Variants in CHID1 observed in about 807,000 individuals in gnomAD.
CHID1 encodes chitinase domain-containing protein 1.
In CHID1, 44 loss-of-function variants were observed where a neutral mutation model predicts 55.4. The ratio of observed to expected loss-of-function variants is 0.79; its 90% CI spans 0.62 to 1.02. The LOEUF is 1.02. Ranked by LOEUF, CHID1 falls within the 50% of genes least tolerant of loss-of-function variation. The pLI, the probability that CHID1 is intolerant of heterozygous loss-of-function variation, is 0.00. For synonymous variants in CHID1, 216 were observed against 212.9 expected, an observed-to-expected ratio of 1.01 and a Z score of -0.13; for missense variants, 491 against 515.3, an observed-to-expected ratio of 0.95 and a Z score of 0.46.
chr11:883,282 C>A lies in CHID1; in HGVS notation c.825G>T (p.Leu275=), dbSNP rs1317560124. 6.2e-7 allele frequency: 1 copy of A among 1,613,708 alleles called. No individual in the cohort carries two copies. Among genetic ancestry groups the A allele is most frequent in the Non-Finnish European group, 8.5e-7 (1 of 1,179,822 alleles). Reference sequence around the variant, plus strand: ...CCTGGACGCAGGCTCGAACCCAGGACAGGGGTGCATTAGGGCCAGGCCTGC... The same window carrying A: ...CCTGGACGCAGGCTCGAACCCAGGAAAGGGGTGCATTAGGGCCAGGCCTGC... ...TAHQPGPNAP[L]SWVRACVQVL... The change falls in exon 10 of 13, where the codon CTG becomes CTT. Residue 275 remains leucine, a synonymous_variant. Transcript: ENST00000323578.
At chr11:893,910 C>CA (rs1201262909) in intron 7 of CHID1, among the ~76,000 whole-genome samples, 1 of 151,640 alleles carries the variant, frequency 6.6e-6, no homozygotes, top group African/African-American at 2.4e-5. Flanking sequence ...GGTGGGCAGT[C>CA]ACCCGAGGCC....
chr11:870,224 C>T (rs1379542344), intron 11 of CHID1, 61 bp from the exon 12 acceptor site: 10 of 1,604,724 alleles, frequency 6.2e-6, no homozygotes, highest in East Asian at 4.5e-5. Context: ...CCTCCCCTCA[C>T]AGCCAAGGTC....
At position 870,514 on chromosome 11, in the gene CHID1, A is replaced by C. The variant is rs1428170771; in HGVS notation, c.960-15T>G. On this transcript the variant is annotated splice_polypyrimidine_tract_variant and intron_variant, in intron 10 of 12. Coordinates refer to ENST00000323578, the MANE Select transcript of CHID1 (RefSeq NM_023947.4). ...TCTGGATGTACCTGGGGAGACCAGGATATGGATTTGGGAGCCCACCCAGCT... is the reference window on the plus strand; with the variant it reads ...TCTGGATGTACCTGGGGAGACCAGGCTATGGATTTGGGAGCCCACCCAGCT... 3 of 1,593,608 alleles carry C rather than the reference A, an allele frequency of 1.9e-6. No individual in the cohort carries two copies. The Admixed American group carries it at 5.1e-5, about 27-fold the overall frequency.
Position 869,617 on chromosome 11 carries a change from G to A in CHID1, c.*241C>T. On this transcript the variant is annotated 3_prime_UTR_variant, in exon 13 of 13. Coordinates refer to ENST00000323578, the MANE Select transcript of CHID1 (RefSeq NM_023947.4). ...GGCCCCGCCTGCCCAGCTGACAGGA[G>A]GCAGCCAGCGGATGCCCGGGTGGGA... is the stretch of plus-strand genomic sequence containing the variant. 1 of 582,022 alleles carries A rather than the reference G, an allele frequency of 1.7e-6. No homozygotes were observed. The highest frequency in any genetic ancestry group is 3.1e-6 in the Non-Finnish European group (1 of 326,172). The allele number at this position is 582,022 out of a possible 1,614,324, so 36.1% of individuals were successfully genotyped here. A position where few individuals can be genotyped will look rare whatever the true frequency, so the allele number is the denominator to read the frequency against.
chr11:914,492 G>T (rs1287213444), upstream of CHID1: 7 of 1,282,764 alleles, frequency 5.5e-6, no homozygotes, highest in Admixed American at 1.6e-4. Context: ...CTGCTGACTG[G>T]ATCCCTGCTT....
chr11:897,372 T>G (rs1393116302), intron 7 of CHID1, among the ~76,000 whole-genome samples: 3 of 152,016 alleles, frequency 2.0e-5, no homozygotes, highest in African/African-American at 7.3e-5. Flanking sequence ...CGGAAATGAG[T>G]GTGGCAAATC....
At chr11:878,358 G>A (rs1159539862) in intron 10 of CHID1, among the ~76,000 whole-genome samples, 1 of 152,060 alleles carries the variant, frequency 6.6e-6, no homozygotes, top group Non-Finnish European at 1.5e-5. Context: ...AGGCTGCAGT[G>A]AGCTGAGATC....
At chr11:910,871 C>T (rs1852628588), upstream of CHID1, 1 of 1,066,324 alleles carries the variant, frequency 9.4e-7, no homozygotes, top group Non-Finnish European at 1.1e-6. Flanking sequence ...GCCGCCGCCG[C>T]GCACGGCACG....
In CHID1 at chr11:903,107, T is replaced by G; in HGVS notation, c.116A>C (p.Gln39Pro). 6.2e-7 allele frequency: 1 copy of G among 1,609,624 alleles called. No individual in the cohort carries two copies. Among genetic ancestry groups the G allele is most frequent in the Non-Finnish European group, 8.5e-7 (1 of 1,179,946 alleles). The change falls in exon 3 of 13, where the codon CAG (glutamine) becomes CCG (proline). Residue 39 changes from glutamine (Q) to proline (P), a missense_variant. Gln to Pro is a moderately conservative substitution (Grantham distance 76). Coordinates refer to ENST00000323578, the MANE Select transcript of CHID1 (RefSeq NM_023947.4). ...AASKTLLEKS[Q>P]FSDKPVQDRG... is the part of the protein sequence containing the mutation. ...GTCTTGCACCGGCTTATCTGAAAAC[T>G]GACTCTGAAATAAAAGGAGTGAGAG...
At chr11:893,611 C>T in intron 7 of CHID1, 92 bp from the exon 8 acceptor site, 2 of 1,037,132 alleles carry the variant, frequency 1.9e-6, no homozygotes, top group Non-Finnish European at 2.8e-6. Context: ...AGGGGTGGGG[C>T]TGGTCCCCAG....
At chr11:883,495 G>A (rs981737591) in intron 9 of CHID1, among the ~76,000 whole-genome samples, 192 bp from the exon 10 acceptor site, 1 of 152,142 alleles carries the variant, frequency 6.6e-6, no homozygotes, top group African/African-American at 2.4e-5. Flanking sequence ...TCACGTCCAG[G>A]GCCAGGATCA....
chr11:903,370 GCAGA>G (rs957362291), intron 2 of CHID1, among the ~76,000 whole-genome samples: 11 of 152,364 alleles, frequency 7.2e-5, no homozygotes, highest in African/African-American at 2.4e-4. Flanking sequence ...AGGCAGGCAG[GCAGA>G]CAGACAGTTA....
intron 8 of CHID1, among the ~76,000 whole-genome samples, chr11:885,578 G>A (rs531634435): frequency 2.0e-4 from 31 of 152,170 alleles, no homozygotes; most frequent in Admixed American, 8.5e-4. Context: ...CATCACTCCC[G>A]GTGGCCTCCC....
chr11:899,844 T>C (rs993725324), intron 6 of CHID1, among the ~76,000 whole-genome samples, 160 bp downstream of exon 6: 4 of 152,192 alleles, frequency 2.6e-5, no homozygotes, highest in Admixed American at 6.5e-5. Context: ...AGCCTGAGCC[T>C]GGCTGATGCT....
intron 8 of CHID1, among the ~76,000 whole-genome samples, chr11:891,743 T>G (rs974484790): frequency 1.3e-5 from 2 of 152,174 alleles, no homozygotes; most frequent in African/African-American, 2.4e-5. Flanking sequence ...CTGAGACAGG[T>G]GCTGTCAGCT....
At chr11:884,635 G>A (rs188597652) in intron 8 of CHID1, among the ~76,000 whole-genome samples, 2 of 152,328 alleles carry the variant, frequency 1.3e-5, no homozygotes, top group African/African-American at 2.4e-5. Context: ...ACTCAGGGTC[G>A]GCCTGGCCCA....
At chr11:883,011 G>T in intron 10 of CHID1, 137 bp downstream of exon 10, 1 of 987,380 alleles carries the variant, frequency 1.0e-6, no homozygotes, top group Non-Finnish European at 1.5e-6. Context: ...CCGGCTCCTG[G>T]CCCAGCCCCT....
At chr11:914,418 G>T, upstream of CHID1, 1 of 793,716 alleles carries the variant, frequency 1.3e-6, no homozygotes, top group Non-Finnish European at 1.8e-6. Context: ...TGGGCATGGG[G>T]GGGACAGAGT....
At chr11:896,415 CACA>C (rs1164320121) in intron 7 of CHID1, among the ~76,000 whole-genome samples, 5 of 135,726 alleles carry the variant, frequency 3.7e-5, no homozygotes, top group Middle Eastern at 4.2e-3. Context: ...CCAATCCAGA[CACA>C]ACGAGCCTGT....
Sources: allele counts gnomAD v4.1 joint callset (sites outside exome capture counted in the v4.1 genomes callset), GRCh38; gene constraint gnomAD v4.1.1; transcripts MANE v1.5; gene names NCBI Gene and HGNC (gene_info 2026-07-23, HGNC 2026-07-21).